The following RUSC2 variants were observed in gnomAD, a reference collection of about 807,000 sequenced individuals.
RUSC2 encodes the protein AP-4 complex accessory subunit RUSC2.
A neutral mutation model predicts 122.2 loss-of-function variants in RUSC2; 34 were observed. That is an observed-to-expected ratio of 0.28 (90% CI 0.21 to 0.37). RUSC2 has a LOEUF of 0.37. Ranked by LOEUF, RUSC2 falls within the 10% of genes least tolerant of loss-of-function variation. The pLI is 1.00. For synonymous variants in RUSC2, 784 were observed against 790.0 expected (o/e 0.99, Z 0.13); for missense variants, 1,747 against 1,952.4 (o/e 0.89, Z 1.98).
At chr9:35,510,936 C>T (rs573277657) in intron 1 of RUSC2, among the ~76,000 whole-genome samples, 3 of 152,232 alleles carry the variant, frequency 2.0e-5, no homozygotes, top group Non-Finnish European at 4.4e-5. Flanking sequence ...GGGAAGCAGC[C>T]GACAATGGGA....
In RUSC2 at chr9:35,546,675, A is replaced by C. The variant is rs771426449; in HGVS notation, c.154A>C (p.Ile52Leu). 3.3e-5 allele frequency: 51 copies of C among 1,566,032 alleles called. No homozygotes were observed. Among genetic ancestry groups the C allele is most frequent in the Non-Finnish European group, 4.0e-5 (46 of 1,157,828 alleles). Residue 52 changes from isoleucine (I) to leucine (L), a missense_variant, in exon 2 of 12, where the codon ATC becomes CTC. Transcript: ENST00000361226. This position sits in a 1 kb window ranked among gnomAD's most constrained non-coding sequence, Gnocchi z 4.3. ...TCCCTTCTGCCCACCTGAGCTGGGC[A>C]TCACCCAGCCCGATCAAGACCTAGG... ...PNPFCPPELG[I>L]TQPDQDLGQA...
chr9:35,504,052 G>A (rs1820867075), intron 1 of RUSC2, among the ~76,000 whole-genome samples: 1 of 152,164 alleles, frequency 6.6e-6, no homozygotes, highest in South Asian at 2.1e-4. Flanking sequence ...TAGGTTTACA[G>A]GCGTGAGCCA....
Position 35,561,031 on chromosome 9 carries a change from G to A in RUSC2, c.4283G>A (p.Arg1428Gln), listed in dbSNP as rs367967200. ...QLVAQTVGSRREPEPKESLQE... is the reference protein window; with the variant it reads ...QLVAQTVGSRQEPEPKESLQE... ...GTGGCGCAGACAGTGGGTTCCCGCCGGGAGCCAGAGCCCAAGGAGAGCCTG... is the reference window on the plus strand; with the variant it reads ...GTGGCGCAGACAGTGGGTTCCCGCCAGGAGCCAGAGCCCAAGGAGAGCCTG... The change falls in exon 11 of 12, where the codon CGG becomes CAG. Residue 1428 changes from arginine to glutamine, a missense_variant. By Grantham distance (43) the Arg-to-Gln change is conservative (BLOSUM62 1). Coordinates refer to ENST00000361226, the MANE Select transcript of RUSC2 (RefSeq NM_014806.5). 23 of 1,614,050 alleles carry A rather than the reference G, an allele frequency of 1.4e-5. No homozygotes were observed. The highest frequency in any genetic ancestry group is 5.3e-5 in the African/African-American group (4 of 74,952).
chr9:35,553,984 AGTT>A (rs1233166875), intron 2 of RUSC2, among the ~76,000 whole-genome samples: 1 of 152,188 alleles, frequency 6.6e-6, no homozygotes, highest in Non-Finnish European at 1.5e-5. Flanking sequence ...GCCACTTCCT[AGTT>A]GTTTGACCTT....
intron 2 of RUSC2, 103 bp from the exon 3 acceptor site, chr9:35,554,957 C>A (rs1821975898): frequency 1.5e-6 from 2 of 1,360,072 alleles, no homozygotes; most frequent in Admixed American, 3.9e-5. Flanking sequence ...TCCTGCCAGC[C>A]AGGTCCCTGC....
rs143898879 is a variant in RUSC2, at chr9:35,558,155, A to T, written c.3061-42A>T. ...GGCCTGCTACGAGAGGACCACAGTC[A>T]GGCCTGAGGGGGTTTCCTGCACTTC... On this transcript the variant is annotated intron_variant, in intron 6 of 11. Coordinates refer to ENST00000361226, the MANE Select transcript of RUSC2 (RefSeq NM_014806.5). The surrounding 1 kb of genome is among the most constrained non-coding windows in gnomAD (Gnocchi z 4.3). 1 of 1,602,196 alleles carries T rather than the reference A, an allele frequency of 6.2e-7. No homozygotes were observed. The highest frequency in any genetic ancestry group is 8.5e-7 in the Non-Finnish European group (1 of 1,174,172).
rs1822050821 is a variant in RUSC2, at chr9:35,557,621, G to A, written c.2984-293G>A. 6.6e-6 allele frequency among the ~76,000 whole-genome samples: 1 copy of A among 152,146 alleles called. No individual in the cohort carries two copies. Among genetic ancestry groups the A allele is most frequent in the African/African-American group, 2.4e-5 (1 of 41,404 alleles). ...CCGGTTTCTCAGAGTGGAGAAAACCGATAGTTGGCCTGACCCAGGATTGGA... is the reference window on the plus strand; with the variant it reads ...CCGGTTTCTCAGAGTGGAGAAAACCAATAGTTGGCCTGACCCAGGATTGGA... On this transcript the variant is annotated intron_variant, in intron 5 of 11. Coordinates refer to ENST00000361226, the MANE Select transcript of RUSC2 (RefSeq NM_014806.5). This position sits in a 1 kb window ranked among gnomAD's most constrained non-coding sequence, Gnocchi z 4.6.
At chr9:35,534,461 C>T (rs1347000099) in intron 1 of RUSC2, among the ~76,000 whole-genome samples, 1 of 148,916 alleles carries the variant, frequency 6.7e-6, no homozygotes, top group African/African-American at 2.5e-5. Flanking sequence ...CACACACAAT[C>T]CTTTGCTCGT....
chr9:35,530,414 C>T (rs1321543711), intron 1 of RUSC2, among the ~76,000 whole-genome samples: 2 of 151,770 alleles, frequency 1.3e-5, no homozygotes, highest in Non-Finnish European at 2.9e-5. Context: ...ATGAGTTGTA[C>T]GTATAATTGG....
intron 2 of RUSC2, among the ~76,000 whole-genome samples, chr9:35,552,408 G>A (rs1478057556): frequency 6.6e-6 from 1 of 152,156 alleles, no homozygotes; most frequent in East Asian, 1.9e-4. Context: ...AGCTGAGACG[G>A]CTCTTTGAGA....
At chr9:35,498,320 C>T (rs1048207368) in intron 1 of RUSC2, among the ~76,000 whole-genome samples, 3 of 152,058 alleles carry the variant, frequency 2.0e-5, no homozygotes, top group African/African-American at 7.2e-5. Context: ...AGGCAGATCA[C>T]GTGAGATCAG....
chr9:35,490,358 C>T (rs1178364138), intron 1 of RUSC2, among the ~76,000 whole-genome samples, 186 bp downstream of exon 1: 2 of 152,084 alleles, frequency 1.3e-5, no homozygotes, highest in Non-Finnish European at 2.9e-5. Flanking sequence ...CAGACCTCGT[C>T]CCCAGCCCTT....
intron 1 of RUSC2, among the ~76,000 whole-genome samples, chr9:35,502,660 T>C (rs1359321930): frequency 2.6e-5 from 4 of 152,150 alleles, no homozygotes; most frequent in Non-Finnish European, 5.9e-5. Context: ...AAGACAAGTA[T>C]AAAATGAAAA....
intron 1 of RUSC2, among the ~76,000 whole-genome samples, chr9:35,535,982 TG>T (rs1261844524): frequency 2.0e-5 from 3 of 152,230 alleles, no homozygotes; most frequent in Non-Finnish European, 4.4e-5. Context: ...ATAATGGAGA[TG>T]TACAGATGAC....
chr9:35,529,540 T>C (rs1821382052), intron 1 of RUSC2, among the ~76,000 whole-genome samples: 1 of 150,342 alleles, frequency 6.7e-6, no homozygotes, highest in African/African-American at 2.5e-5. Context: ...GATGTGACAG[T>C]CAGTCTGTCA....
At chr9:35,516,479 T>C (rs1821110031) in intron 1 of RUSC2, among the ~76,000 whole-genome samples, 1 of 152,160 alleles carries the variant, frequency 6.6e-6, no homozygotes, top group South Asian at 2.1e-4. Context: ...TGGGATAGTA[T>C]TAAGCAGAAA....
At position 35,546,231 on chromosome 9, in the gene RUSC2, C is replaced by T. The variant is rs1186416318; in HGVS notation, c.-92-199C>T. On this transcript the variant is annotated intron_variant, in intron 1 of 11. Transcript: ENST00000361226. This position sits in a 1 kb window ranked among gnomAD's most constrained non-coding sequence, Gnocchi z 4.3. Reference sequence around the variant, plus strand: ...TAGTGACCTTAAAATTAAGGGGGACCTCAGGTGCTGCACCTGTGCAATGCA... The same window carrying T: ...TAGTGACCTTAAAATTAAGGGGGACTTCAGGTGCTGCACCTGTGCAATGCA... Among the ~76,000 whole-genome samples, 1 of 152,162 alleles carries T rather than the reference C, an allele frequency of 6.6e-6. No individual in the cohort carries two copies. The highest frequency in any genetic ancestry group is 1.5e-5 in the Non-Finnish European group (1 of 68,028).
chr9:35,543,718 C>T (rs538512836), intron 1 of RUSC2, among the ~76,000 whole-genome samples: 11 of 152,302 alleles, frequency 7.2e-5, no homozygotes, highest in Admixed American at 6.5e-4. Context: ...ATCCGCCCGC[C>T]TCAGCCTCCC....
At position 35,560,430 on chromosome 9, in the gene RUSC2, C is replaced by G; in HGVS notation, c.3790C>G (p.Arg1264Gly). 1 of 1,614,156 alleles carries G rather than the reference C, an allele frequency of 6.2e-7. No homozygotes were observed. Among genetic ancestry groups the G allele is most frequent in the Non-Finnish European group, 8.5e-7 (1 of 1,180,010 alleles). ...AGGSGRARWA[R>G]GGQAGWWYQL... ...GGGCTCAGGGCGTGCCAGGTGGGCC[C>G]GAGGTGGGCAGGCCGGCTGGTGGTA... The change falls in exon 10 of 12, where the codon CGA becomes GGA. Residue 1264 changes from arginine to glycine, a missense_variant. By Grantham distance (125) the Arg-to-Gly change is moderately radical (BLOSUM62 -2). Transcript: ENST00000361226.
Sources: gnomAD v4.1 joint callset for allele counts (sites outside exome capture counted in the v4.1 genomes callset) on GRCh38, gnomAD v4.1.1 for gene constraint, Gnocchi (gnomAD v3.1) non-coding constraint, MANE v1.5 for transcripts, NCBI Gene and HGNC (gene_info 2026-07-23, HGNC 2026-07-21) for gene names.